The following KCNIP4 variants were observed in gnomAD, a reference collection of about 807,000 sequenced individuals.
KCNIP4 encodes the protein Kv channel-interacting protein 4.
Under a neutral mutation model 34.0 loss-of-function variants are expected in KCNIP4, and 12 were observed. The observed-to-expected ratio is 0.35, with a 90% CI of 0.23 to 0.57. The LOEUF is 0.57. Ranked by LOEUF, KCNIP4 falls within the 20% of genes least tolerant of loss-of-function variation. The probability of loss-of-function intolerance (pLI) is 0.83; values close to 1 mark genes in which losing one functional copy is unlikely to be tolerated. For synonymous variants in KCNIP4, 124 were observed against 102.2 expected (o/e 1.21, Z -1.29); for missense variants, 238 against 311.7 (o/e 0.76, Z 1.78).
At chr4:21,677,923 T>C (rs1750034258) in intron 1 of KCNIP4, among the ~76,000 whole-genome samples, 1 of 152,168 alleles carries the variant, frequency 6.6e-6, no homozygotes, top group Admixed American at 6.5e-5. Context: ...CTAATTATTT[T>C]GTATTTTTAG....
At chr4:21,570,415 A>T (rs1295228297) in intron 1 of KCNIP4, among the ~76,000 whole-genome samples, 1 of 152,166 alleles carries the variant, frequency 6.6e-6, no homozygotes, top group African/African-American at 2.4e-5. Flanking sequence ...GATGTAGGTC[A>T]GAAATGGGTC....
intron 1 of KCNIP4, among the ~76,000 whole-genome samples, chr4:21,830,044 A>G (rs1722887032): frequency 6.6e-6 from 1 of 152,166 alleles, no homozygotes; most frequent in Non-Finnish European, 1.5e-5. Flanking sequence ...AATCAAAGGC[A>G]TAAAGTAGCC....
At chr4:21,374,768 G>A (rs1720818290) in intron 1 of KCNIP4, among the ~76,000 whole-genome samples, 3 of 147,208 alleles carry the variant, frequency 2.0e-5, no homozygotes, top group Admixed American at 2.0e-4. Flanking sequence ...AACTACACTG[G>A]TATTAGGGAG....
intron 1 of KCNIP4, among the ~76,000 whole-genome samples, chr4:21,035,936 G>T (rs1741407324): frequency 6.6e-6 from 1 of 152,158 alleles, no homozygotes; most frequent in African/African-American, 2.4e-5. Context: ...ATTAGTTGAG[G>T]GAGGAAGACA....
At chr4:20,952,936 G>A (rs1243881060) in intron 1 of KCNIP4, among the ~76,000 whole-genome samples, 2 of 152,222 alleles carry the variant, frequency 1.3e-5, no homozygotes, top group African/African-American at 2.4e-5. Flanking sequence ...TCTTCCCATG[G>A]TGGAGTGGCT....
intron 1 of KCNIP4, among the ~76,000 whole-genome samples, chr4:21,603,026 T>C (rs1743324011): frequency 6.6e-6 from 1 of 152,174 alleles, no homozygotes; most frequent in Non-Finnish European, 1.5e-5. Context: ...TTTTGGCAGT[T>C]TTATCCAATA....
At chr4:21,584,512 A>G (rs1299807581) in intron 1 of KCNIP4, among the ~76,000 whole-genome samples, 2 of 152,068 alleles carry the variant, frequency 1.3e-5, no homozygotes, top group African/African-American at 4.8e-5. Context: ...TAATTAAGTG[A>G]AAATTTAGAG....
intron 1 of KCNIP4, among the ~76,000 whole-genome samples, chr4:21,227,100 T>G (rs543646919): frequency 6.6e-6 from 1 of 152,160 alleles, no homozygotes; most frequent in South Asian, 2.1e-4. Flanking sequence ...TGTAGGTAGA[T>G]CAAGTGTAAC....
chr4:20,825,994 A>G (rs9990649), intron 3 of KCNIP4, among the ~76,000 whole-genome samples: 1 of 151,386 alleles, frequency 6.6e-6, no homozygotes, highest in Admixed American at 6.6e-5. Flanking sequence ...TTAAAATAGC[A>G]GACTTTTTTT....
At chr4:21,300,060 T>A (rs1171917646) in intron 1 of KCNIP4, among the ~76,000 whole-genome samples, 1 of 152,178 alleles carries the variant, frequency 6.6e-6, no homozygotes, top group Non-Finnish European at 1.5e-5. Flanking sequence ...TCATGTGTGA[T>A]AATGCATTTT....
At chr4:21,555,493 T>A (rs1236077177) in intron 1 of KCNIP4, among the ~76,000 whole-genome samples, 1 of 152,160 alleles carries the variant, frequency 6.6e-6, no homozygotes, top group African/African-American at 2.4e-5. Context: ...ATTTTCTTGA[T>A]TTATCAAATT....
intron 1 of KCNIP4, among the ~76,000 whole-genome samples, chr4:21,773,055 A>AAGAGG (rs1560703383): frequency 6.6e-6 from 1 of 152,136 alleles, no homozygotes; most frequent in African/African-American, 2.4e-5. Context: ...GTGGGTGTTT[A>AAGAGG]GTGCTGTAAA....
chr4:20,934,838 C>A (rs1730890053), intron 1 of KCNIP4, among the ~76,000 whole-genome samples: 1 of 152,176 alleles, frequency 6.6e-6, no homozygotes, highest in Non-Finnish European at 1.5e-5. Context: ...AAAACAACTG[C>A]AATTTATTCT....
chr4:20,740,556 C>A (rs985689432), intron 5 of KCNIP4, among the ~76,000 whole-genome samples: 2 of 152,152 alleles, frequency 1.3e-5, no homozygotes, highest in Non-Finnish European at 2.9e-5. Context: ...GCCTGCCTTA[C>A]AAGAGCTTCT....
intron 1 of KCNIP4, among the ~76,000 whole-genome samples, chr4:20,914,840 A>C (rs1413092518): frequency 6.6e-6 from 1 of 152,210 alleles, no homozygotes; most frequent in Non-Finnish European, 1.5e-5. Flanking sequence ...CATACCAAGA[A>C]TGTTGCAATC....
rs528567673 is a variant in KCNIP4 at position 21,368,540 on chromosome 4, C to T, written c.62-485831G>A. Among the ~76,000 whole-genome samples, 4 of 147,344 alleles carry T rather than the reference C, an allele frequency of 2.7e-5. No homozygotes were observed. In the East Asian group the frequency reaches 7.9e-4, roughly 29 times the overall value. The stretch of plus-strand genomic sequence containing the variant: ...TTAGTCCAATATTATCTTCACTCTG[C>T]AGCTTTGGTAACTAAGGCCCAGTAA... On this transcript the variant is annotated intron_variant, in intron 1 of 8. Transcript: ENST00000382152.
chr4:21,846,302 T>C (rs1578063193), intron 1 of KCNIP4: 1 of 152,046 alleles, frequency 6.6e-6, no homozygotes, highest in African/African-American at 2.4e-5. Context: ...CAGACAGATA[T>C]AGATACACAT....
chr4:20,772,597 TTTATACATTTTA>T (rs1344217080), intron 3 of KCNIP4, among the ~76,000 whole-genome samples: 1 of 151,804 alleles, frequency 6.6e-6, no homozygotes, highest in African/African-American at 2.4e-5. Flanking sequence ...CTAAATACAT[TTTATACATTTTA>T]TTATACATTT....
intron 1 of KCNIP4, among the ~76,000 whole-genome samples, chr4:21,413,446 C>G (rs1221607867): frequency 6.6e-6 from 1 of 152,080 alleles, no homozygotes; most frequent in Non-Finnish European, 1.5e-5. Flanking sequence ...TAACTGAAAG[C>G]ACCTTAAAAA....
Sources: gnomAD v4.1 joint callset for allele counts (sites outside exome capture counted in the v4.1 genomes callset) on GRCh38, gnomAD v4.1.1 for gene constraint, MANE v1.5 for transcripts, NCBI Gene and HGNC (gene_info 2026-07-23, HGNC 2026-07-21) for gene names.